XRCC5: variants seen among roughly 807,000 people sequenced by gnomAD.
XRCC5 encodes DNA repair protein Ku80.
Under a neutral mutation model 95.7 loss-of-function variants are expected in XRCC5, and 12 were observed. The ratio of observed to expected loss-of-function variants is 0.13; its 90% confidence interval spans 0.08 to 0.20. The LOEUF is 0.20. Ranked by LOEUF, XRCC5 falls within the 10% of genes least tolerant of loss-of-function variation. The pLI is 1.00. For synonymous variants in XRCC5, 281 were observed against 290.3 expected (o/e 0.97, Z 0.33); for missense variants, 595 against 873.9 (o/e 0.68, Z 4.02).
At chr2:216,174,967 G>A (rs531737082) in intron 16 of XRCC5, 24 of 319,000 alleles carry the variant, frequency 7.5e-5, no homozygotes, top group South Asian at 3.3e-4. Context: ...GGAACTCCCC[G>A]AGCTTCTTCC....
At chr2:216,191,933 G>T (rs1157337682) in intron 17 of XRCC5, among the ~76,000 whole-genome samples, 4 of 152,162 alleles carry the variant, frequency 2.6e-5, no homozygotes, top group Non-Finnish European at 4.4e-5. Context: ...TAATTGGAGG[G>T]TTATGGGAGA....
chr2:216,128,660 C>T (rs1489362658), intron 8 of XRCC5, among the ~76,000 whole-genome samples: 2 of 152,226 alleles, frequency 1.3e-5, no homozygotes, highest in Non-Finnish European at 2.9e-5. Flanking sequence ...ATGATTAAAG[C>T]CACAAGACCT....
At chr2:216,147,116 A>G (rs1010916407) in intron 13 of XRCC5, among the ~76,000 whole-genome samples, 1 of 152,030 alleles carries the variant, frequency 6.6e-6, no homozygotes, top group Non-Finnish European at 1.5e-5. Context: ...CTTCATATAG[A>G]GTGTCAGGGA....
chr2:216,128,774 C>T (rs745553338), intron 8 of XRCC5, among the ~76,000 whole-genome samples: 1 of 152,162 alleles, frequency 6.6e-6, no homozygotes, highest in Non-Finnish European at 1.5e-5. Context: ...GGACAGCCTG[C>T]ATTTTCTCTT....
At chr2:216,139,046 T>G (rs746561591) in intron 12 of XRCC5, among the ~76,000 whole-genome samples, 16 of 152,142 alleles carry the variant, frequency 1.1e-4, no homozygotes, top group Non-Finnish European at 1.8e-4. Flanking sequence ...TGCATCACGG[T>G]GGAGGCAGGC....
At chr2:216,147,010 A>G (rs1050631399) in intron 13 of XRCC5, among the ~76,000 whole-genome samples, 1 of 152,194 alleles carries the variant, frequency 6.6e-6, no homozygotes, top group Non-Finnish European at 1.5e-5. Flanking sequence ...AAACTAAAAA[A>G]TTGATAATTT....
At chr2:216,198,439 CTG>C (rs1289223881) in intron 19 of XRCC5, among the ~76,000 whole-genome samples, 1 of 152,222 alleles carries the variant, frequency 6.6e-6, no homozygotes, top group East Asian at 1.9e-4. Context: ...TCATGCCTGA[CTG>C]TGAGATTATG....
chr2:216,196,942 A>G (rs1011765411), intron 19 of XRCC5, among the ~76,000 whole-genome samples: 2 of 152,064 alleles, frequency 1.3e-5, no homozygotes, highest in Non-Finnish European at 2.9e-5. Context: ...CAGGAAAAAT[A>G]TTTTTTGTCA....
At position 216,205,237 on chromosome 2, in the gene XRCC5, A is replaced by C; in HGVS notation, c.*35A>C. 1 of 1,613,892 alleles carries C rather than the reference A, an allele frequency of 6.2e-7. No individual in the cohort carries two copies. Among genetic ancestry groups the C allele is most frequent in the Non-Finnish European group, 8.5e-7 (1 of 1,179,752 alleles). The stretch of plus-strand genomic sequence containing the variant: ...GTATGGGGAATCTAAGAGAGCTGCC[A>C]TCGCTGTGATGCTGGGAGTTCTAAC... On this transcript the variant is annotated 3_prime_UTR_variant, in exon 21 of 21. Transcript: ENST00000392132.
intron 5 of XRCC5, among the ~76,000 whole-genome samples, chr2:216,119,673 CAT>C (rs1173502903): frequency 6.6e-6 from 1 of 152,078 alleles, no homozygotes; most frequent in Non-Finnish European, 1.5e-5. Context: ...GTTGTGGACA[CAT>C]ATATAAAATT....
chr2:216,195,341 C>T (rs200666598), intron 19 of XRCC5, among the ~76,000 whole-genome samples: 1 of 127,964 alleles, frequency 7.8e-6, no homozygotes, highest in Non-Finnish European at 1.7e-5. Context: ...GCTTGTTTTT[C>T]TTTTTTTTCT....
chr2:216,187,263 C>T (rs192653535), intron 16 of XRCC5, among the ~76,000 whole-genome samples: 207 of 152,102 alleles, frequency 1.4e-3, no homozygotes, highest in Non-Finnish European at 2.5e-3. Context: ...ATAAGAAAAA[C>T]TAAATCCACA....
intron 2 of XRCC5, among the ~76,000 whole-genome samples, chr2:216,113,628 G>A (rs1040956286): frequency 3.3e-5 from 5 of 152,152 alleles, no homozygotes; most frequent in African/African-American, 9.7e-5. Flanking sequence ...GGCCTCTTAC[G>A]CAGTTGCAAT....
intron 16 of XRCC5, among the ~76,000 whole-genome samples, chr2:216,164,181 A>G (rs528398226): frequency 1.3e-5 from 2 of 152,294 alleles, no homozygotes; most frequent in African/African-American, 4.8e-5. Flanking sequence ...GTCTATCAAG[A>G]CTATTGTGTT....
chr2:216,189,790 C>T (rs2241320), intron 16 of XRCC5, among the ~76,000 whole-genome samples: 4 of 152,056 alleles, frequency 2.6e-5, no homozygotes, highest in African/African-American at 4.8e-5. Flanking sequence ...CAGCACTGTT[C>T]GACAATTATC....
chr2:216,160,259 A>G, intron 15 of XRCC5, 98 bp downstream of exon 15: 1 of 728,820 alleles, frequency 1.4e-6, no homozygotes, highest in Middle Eastern at 2.5e-4. Flanking sequence ...TACCACTTTC[A>G]AGTTAAGATC....
rs559454042 is a variant in XRCC5 at position 216,121,931 on chromosome 2, G to A, written c.492-131G>A. On this transcript the variant is annotated intron_variant, in intron 5 of 20. Transcript: ENST00000392132. ...TGAAACTGGGAGAATATTGGCTAAGGTAGGTAAGAGTCGTTTGACAGATGA... is the reference window on the plus strand; with the variant it reads ...TGAAACTGGGAGAATATTGGCTAAGATAGGTAAGAGTCGTTTGACAGATGA... The A allele has an allele frequency of 1.4e-5, 11 of 787,880 alleles. No individual in the cohort carries two copies. The African/African-American group carries it at 1.7e-4, about 12-fold the overall frequency. The allele number at this position is 787,880 out of a possible 1,614,324, so 48.8% of individuals were successfully genotyped here. A position where few individuals can be genotyped will look rare whatever the true frequency, so the allele number is the denominator to read the frequency against.
rs1689920534 is a variant in XRCC5, at chr2:216,205,171, G to C, written c.2185-17G>C. On this transcript the variant is annotated splice_polypyrimidine_tract_variant and intron_variant, in intron 20 of 20. Coordinates refer to ENST00000392132, the MANE Select transcript of XRCC5 (RefSeq NM_021141.4). ...ATTGGCCTGATTCCTTTCTAAGTGT[G>C]TTGTTCTTGTTCACAGTTGGACATG... 6.2e-7 allele frequency: 1 copy of C among 1,613,806 alleles called. No individual in the cohort carries two copies. The highest frequency in any genetic ancestry group is 8.5e-7 in the Non-Finnish European group (1 of 1,179,866).
chr2:216,141,976 C>A (rs914087024), intron 13 of XRCC5, among the ~76,000 whole-genome samples: 11 of 151,924 alleles, frequency 7.2e-5, no homozygotes. Context: ...ATTGCTTGAA[C>A]CTGGGAGATG....
Sources: allele counts gnomAD v4.1 joint callset (sites outside exome capture counted in the v4.1 genomes callset), GRCh38; gene constraint gnomAD v4.1.1; transcripts MANE v1.5; gene names NCBI Gene and HGNC (gene_info 2026-07-23, HGNC 2026-07-21).